The following MVB12B variants were observed in gnomAD, a reference collection of about 807,000 sequenced individuals.
MVB12B encodes multivesicular body subunit 12B.
A neutral mutation model predicts 41.6 loss-of-function variants in MVB12B; 16 were observed. The ratio of observed to expected loss-of-function variants is 0.38; its 90% CI spans 0.26 to 0.58. MVB12B has a LOEUF of 0.58. Among genes scored for constraint, MVB12B ranks in the 20% least tolerant of loss-of-function variants. MVB12B has a pLI of 0.62. For synonymous variants in MVB12B, 133 were observed against 139.7 expected (o/e 0.95, Z 0.34); for missense variants, 274 against 380.2 (o/e 0.72, Z 2.32).
At chr9:126,336,120 A>C (rs1043960781) in intron 1 of MVB12B, among the ~76,000 whole-genome samples, 5 of 152,248 alleles carry the variant, frequency 3.3e-5, no homozygotes, top group Non-Finnish European at 5.9e-5. Context: ...CCCTGAAAGC[A>C]CTTTAAACTC....
chr9:126,352,242 A>G (rs1333443517), intron 2 of MVB12B, among the ~76,000 whole-genome samples: 1 of 152,172 alleles, frequency 6.6e-6, no homozygotes, highest in Non-Finnish European at 1.5e-5. Context: ...CTAGATTCAT[A>G]AAATGAATTG....
At chr9:126,465,387 C>A (rs1430909474) in intron 7 of MVB12B, among the ~76,000 whole-genome samples, 1 of 152,078 alleles carries the variant, frequency 6.6e-6, no homozygotes, top group Non-Finnish European at 1.5e-5. Flanking sequence ...GAATCAGAAC[C>A]CCTGGGGTTG....
intron 2 of MVB12B, among the ~76,000 whole-genome samples, chr9:126,366,072 C>A (rs1830173016): frequency 6.6e-6 from 1 of 152,088 alleles, no homozygotes; most frequent in Non-Finnish European, 1.5e-5. Flanking sequence ...AATCTCTTCC[C>A]CTCCTCTGTG....
In MVB12B at chr9:126,397,500, T is replaced by C. The variant is rs146139296; in HGVS notation, c.662+1803T>C. The C allele has an allele frequency of 6.9e-4, 684 of 985,486 alleles. 2 individuals carry two copies. The African/African-American group carries it at 0.011, about 16-fold the overall frequency. 61.0% of individuals were successfully genotyped at this position (985,486 alleles called of 1,614,324 possible). ...CAAGGAAATCGGATCAGTTTTGTTT[T>C]ACTTGCCAAATAAAACAAATGTCAA... On this transcript the variant is annotated intron_variant, in intron 6 of 9. Transcript: ENST00000361171.
Position 126,340,735 on chromosome 9 carries a change from C to T in MVB12B, c.204+105C>T, listed in dbSNP as rs561251869. 27 of 1,358,608 alleles carry T rather than the reference C, an allele frequency of 2.0e-5. No homozygotes were observed. The Admixed American group carries it at 4.4e-4, about 22-fold the overall frequency. 84.2% of individuals were successfully genotyped at this position (1,358,608 alleles called of 1,614,324 possible). ...CTTGCGTGTAAGATGTGCTTCTTCCCTCTAGGAACTTAATCCAGGGAGGGC... is the reference window on the plus strand; with the variant it reads ...CTTGCGTGTAAGATGTGCTTCTTCCTTCTAGGAACTTAATCCAGGGAGGGC... On this transcript the variant is annotated intron_variant, in intron 2 of 9. Coordinates refer to ENST00000361171, the MANE Select transcript of MVB12B (RefSeq NM_033446.3). The surrounding 1 kb of genome is among the most constrained non-coding windows in gnomAD (Gnocchi z 4.0).
chr9:126,351,655 A>G (rs569081847), intron 2 of MVB12B, among the ~76,000 whole-genome samples: 1 of 152,098 alleles, frequency 6.6e-6, no homozygotes, highest in Admixed American at 6.5e-5. Flanking sequence ...ATGCCCAGCT[A>G]ATTTTTGTAC....
intron 6 of MVB12B, among the ~76,000 whole-genome samples, chr9:126,405,743 C>A (rs927028523): frequency 6.6e-6 from 1 of 150,624 alleles, no homozygotes; most frequent in African/African-American, 2.4e-5. Flanking sequence ...TATTTGGGTT[C>A]AGTTTTTGCC....
chr9:126,451,711 A>T (rs145689527), intron 7 of MVB12B, among the ~76,000 whole-genome samples: 1 of 152,134 alleles, frequency 6.6e-6, no homozygotes, highest in Non-Finnish European at 1.5e-5. Context: ...GGAAGAGAGG[A>T]GGCACAAGGG....
intron 7 of MVB12B, among the ~76,000 whole-genome samples, chr9:126,462,379 G>A (rs1440780586): frequency 6.6e-6 from 1 of 152,220 alleles, no homozygotes; most frequent in Non-Finnish European, 1.5e-5. Context: ...GAGGTTCAGT[G>A]TTAAAAGTTC....
intron 6 of MVB12B, among the ~76,000 whole-genome samples, chr9:126,413,592 T>G (rs1831712666): frequency 1.3e-5 from 2 of 152,196 alleles, no homozygotes; most frequent in Admixed American, 6.5e-5. Context: ...TATTAAGTGT[T>G]TCTCCTAGAG....
chr9:126,416,825 G>A (rs1469817375), intron 6 of MVB12B, among the ~76,000 whole-genome samples: 2 of 152,186 alleles, frequency 1.3e-5, no homozygotes, highest in African/African-American at 4.8e-5. Flanking sequence ...GTCCTGGCAG[G>A]TGGGGCTCCA....
chr9:126,329,749 A>G (rs1390711930), intron 1 of MVB12B, among the ~76,000 whole-genome samples: 1 of 152,154 alleles, frequency 6.6e-6, no homozygotes, highest in African/African-American at 2.4e-5. Flanking sequence ...TGATGAAGAT[A>G]ACAAATGACT....
At chr9:126,441,371 G>A (rs1832635939) in intron 7 of MVB12B, among the ~76,000 whole-genome samples, 2 of 152,166 alleles carry the variant, frequency 1.3e-5, no homozygotes, top group South Asian at 4.1e-4. Flanking sequence ...GTTTATCTGT[G>A]TACTTTATAA....
intron 7 of MVB12B, among the ~76,000 whole-genome samples, chr9:126,434,036 C>G (rs757344008): frequency 2.6e-5 from 4 of 152,188 alleles, no homozygotes; most frequent in Non-Finnish European, 5.9e-5. Flanking sequence ...GAGGGTCCCC[C>G]TTTTTTGTCA....
chr9:126,415,176 T>C (rs1831776656), intron 6 of MVB12B, among the ~76,000 whole-genome samples: 1 of 152,096 alleles, frequency 6.6e-6, no homozygotes, highest in Admixed American at 6.6e-5. Context: ...AGGTACAGGG[T>C]CGTGATCGGG....
chr9:126,476,678 C>T (rs1258144196), intron 7 of MVB12B, among the ~76,000 whole-genome samples: 1 of 151,904 alleles, frequency 6.6e-6, no homozygotes, highest in Non-Finnish European at 1.5e-5. Context: ...AGATCGAGAC[C>T]ATCCTGGCTA....
intron 1 of MVB12B, among the ~76,000 whole-genome samples, chr9:126,327,861 G>A (rs1225341116): frequency 1.3e-5 from 2 of 152,284 alleles, no homozygotes; most frequent in South Asian, 2.1e-4. Flanking sequence ...GCAAATGGTG[G>A]TTGCCCCTTC....
At chr9:126,407,402 C>T (rs1038047633) in intron 6 of MVB12B, among the ~76,000 whole-genome samples, 2 of 152,140 alleles carry the variant, frequency 1.3e-5, no homozygotes, top group East Asian at 1.9e-4. Flanking sequence ...GTGTGCTGGC[C>T]GGCATTTCCT....
rs1834062908 is a variant in MVB12B at position 126,505,995 on chromosome 9, T to A, written c.*2732T>A. 6.6e-6 allele frequency: 1 copy of A among 152,224 alleles called. No individual in the cohort carries two copies. Among genetic ancestry groups the A allele is most frequent in the Admixed American group, 6.5e-5 (1 of 15,286 alleles). The allele number at this position is 152,224 out of a possible 1,614,324, so 9.4% of individuals were successfully genotyped here. ...AGCACACTGTCCCCACCGCCTCCCC[T>A]TTCTCTCTGGAAAGTTGAAGTATCT... is the stretch of plus-strand genomic sequence containing the variant. On this transcript the variant is annotated 3_prime_UTR_variant, in exon 10 of 10. Transcript: ENST00000361171.
Sources: allele counts gnomAD v4.1 joint callset (sites outside exome capture counted in the v4.1 genomes callset), GRCh38; gene constraint gnomAD v4.1.1; non-coding constraint Gnocchi (gnomAD v3.1); transcripts MANE v1.5; gene names NCBI Gene and HGNC (gene_info 2026-07-23, HGNC 2026-07-21).